Variants in GNB1L observed in about 807,000 individuals in gnomAD.
GNB1L encodes the protein G protein subunit beta 1 like.
GNB1L carries 20 observed loss-of-function variants against 29.1 expected under a neutral mutation model. The observed-to-expected ratio is 0.69, with a 90% CI of 0.48 to 1.00. The LOEUF is 1.00. Ranked by LOEUF, GNB1L falls within the 50% of genes least tolerant of loss-of-function variation. The probability of loss-of-function intolerance (pLI) is 0.00; values close to 1 mark genes in which losing one functional copy is unlikely to be tolerated. For synonymous variants in GNB1L, 193 were observed against 206.5 expected, an observed-to-expected ratio of 0.93 and a Z score of 0.56; for missense variants, 421 against 464.9, an observed-to-expected ratio of 0.91 and a Z score of 0.87.
At chr22:19,834,312 G>C (rs1206354309) in intron 2 of GNB1L, among the ~76,000 whole-genome samples, 1 of 152,172 alleles carries the variant, frequency 6.6e-6, no homozygotes, top group Non-Finnish European at 1.5e-5. Flanking sequence ...AATATTCTTT[G>C]GGGATGAAGG....
intron 5 of GNB1L, 97 bp from the exon 6 acceptor site, chr22:19,806,854 G>T: frequency 1.1e-6 from 1 of 890,880 alleles, no homozygotes; most frequent in Non-Finnish European, 1.8e-6. Context: ...GGGCTGCTGT[G>T]AGTTTCTGTC....
chr22:19,789,511 G>C (rs376510348), intron 7 of GNB1L, among the ~76,000 whole-genome samples: 84 of 152,118 alleles, frequency 5.5e-4, no homozygotes, highest in Non-Finnish European at 1.0e-3. Context: ...GCAGGATGAG[G>C]GGGGGACAAG....
chr22:19,804,184 G>A (rs561896640), intron 6 of GNB1L, among the ~76,000 whole-genome samples: 8 of 152,358 alleles, frequency 5.3e-5, no homozygotes, highest in South Asian at 2.1e-4. Context: ...GGAGCACTTC[G>A]GTGCCCACAG....
intron 7 of GNB1L, among the ~76,000 whole-genome samples, chr22:19,797,347 G>T (rs188999791): frequency 2.7e-4 from 41 of 152,064 alleles, no homozygotes; most frequent in African/African-American, 8.0e-4. Flanking sequence ...ACACGGGAGG[G>T]GGGGTGGGGG....
intron 2 of GNB1L, among the ~76,000 whole-genome samples, chr22:19,827,946 G>A (rs1288969179): frequency 6.6e-6 from 1 of 152,128 alleles, no homozygotes; most frequent in East Asian, 1.9e-4. Flanking sequence ...CTGCAGAAAG[G>A]AACACATTGG....
intron 2 of GNB1L, chr22:19,846,635 A>T: frequency 1.2e-6 from 1 of 852,692 alleles, no homozygotes; most frequent in South Asian, 5.4e-5. Flanking sequence ...TAGTACTTAC[A>T]TTTGAAGACA....
chr22:19,824,099 C>T (rs895776415), intron 2 of GNB1L, among the ~76,000 whole-genome samples: 6 of 152,260 alleles, frequency 3.9e-5, no homozygotes, highest in Admixed American at 3.3e-4. Flanking sequence ...AAACCCGTCA[C>T]GTTGTTACAA....
intron 2 of GNB1L, chr22:19,851,773 G>C: frequency 6.2e-7 from 1 of 1,613,132 alleles, no homozygotes; most frequent in East Asian, 2.2e-5. Flanking sequence ...CGTCAGGCAG[G>C]GGCAGGTCCC....
chr22:19,816,444 A>G lies in GNB1L; in HGVS notation c.255-3997T>C, dbSNP rs1158612591. Among the ~76,000 whole-genome samples, 1 of 152,138 alleles carries G rather than the reference A, an allele frequency of 6.6e-6. No homozygotes were observed. Among genetic ancestry groups the G allele is most frequent in the African/African-American group, 2.4e-5 (1 of 41,418 alleles). Reference sequence around the variant, plus strand: ...CCATCTGCGAGATGTCCAGACCTAGAATCTGCCATCTCCCGGGGAACCCTC... The same window carrying G: ...CCATCTGCGAGATGTCCAGACCTAGGATCTGCCATCTCCCGGGGAACCCTC... On this transcript the variant is annotated intron_variant, in intron 4 of 7. Coordinates refer to ENST00000329517, the MANE Select transcript of GNB1L (RefSeq NM_053004.3). This position sits in a 1 kb window ranked among gnomAD's most constrained non-coding sequence, Gnocchi z 4.4.
At chr22:19,848,333 G>A (rs1214501535) in intron 2 of GNB1L, 1 of 985,470 alleles carries the variant, frequency 1.0e-6, no homozygotes, top group Non-Finnish European at 1.2e-6. Context: ...CAGCTCCTGA[G>A]CACCCTGCCT....
chr22:19,799,668 G>C (rs1332383447), intron 7 of GNB1L, among the ~76,000 whole-genome samples: 1 of 152,202 alleles, frequency 6.6e-6, no homozygotes, highest in African/African-American at 2.4e-5. Flanking sequence ...GGTGTGAGGG[G>C]GACACAGCCG....
intron 2 of GNB1L, among the ~76,000 whole-genome samples, chr22:19,843,354 G>A (rs1937894808): frequency 6.6e-6 from 1 of 152,280 alleles, no homozygotes; most frequent in African/African-American, 2.4e-5. Flanking sequence ...CGGGCAGGGA[G>A]GCAGCGGCTT....
intron 2 of GNB1L, among the ~76,000 whole-genome samples, chr22:19,825,259 C>T (rs1054556217): frequency 1.3e-5 from 2 of 152,168 alleles, no homozygotes; most frequent in South Asian, 2.1e-4. Context: ...TAGGTCAGCA[C>T]CCCTTTACAC....
At position 19,820,674 on chromosome 22, in the gene GNB1L, C is replaced by T. The variant is rs1172429267; in HGVS notation, c.178G>A (p.Val60Ile). ...HIWSLQTRRA[V>I]TTLDGHGGQC... is the part of the protein sequence containing the mutation. ...CCGCCGTGGCCATCCAGGGTGGTAA[C>T]CGCTCTCCGCGTCTGCAGGCTCCAG... The change falls in exon 4 of 8, where the codon GTT becomes ATT. Residue 60 changes from valine to isoleucine, a missense_variant. Coordinates refer to ENST00000329517, the MANE Select transcript of GNB1L (RefSeq NM_053004.3). 1 of 1,613,620 alleles carries T rather than the reference C, an allele frequency of 6.2e-7. No homozygotes were observed. The highest frequency in any genetic ancestry group is 8.5e-7 in the Non-Finnish European group (1 of 1,179,934).
At chr22:19,799,903 G>A (rs1433115920) in intron 7 of GNB1L, among the ~76,000 whole-genome samples, 1 of 152,270 alleles carries the variant, frequency 6.6e-6, no homozygotes, top group Admixed American at 6.5e-5. Context: ...ACATTGGGCA[G>A]AGGGTGGCGC....
chr22:19,809,267 G>A (rs1937471207), intron 5 of GNB1L, among the ~76,000 whole-genome samples: 1 of 151,978 alleles, frequency 6.6e-6, no homozygotes, highest in Non-Finnish European at 1.5e-5. Context: ...ATGCTGGCAG[G>A]CCATCAACCA....
intron 4 of GNB1L, among the ~76,000 whole-genome samples, chr22:19,817,935 GTGTCCT>G (rs1344325608): frequency 2.0e-5 from 3 of 152,246 alleles, no homozygotes. Flanking sequence ...AGGCACAGGT[GTGTCCT>G]TGGCATGCGG....
At chr22:19,847,807 A>AAAAAAAAT in intron 2 of GNB1L, 1 of 710,156 alleles carries the variant, frequency 1.4e-6, no homozygotes, top group African/African-American at 2.3e-5. Context: ...TCATAGGCAA[A>AAAAAAAAT]AAAAAAAAAA....
chr22:19,828,549 A>G (rs1193213525), intron 2 of GNB1L, among the ~76,000 whole-genome samples: 1 of 152,090 alleles, frequency 6.6e-6, no homozygotes, highest in East Asian at 1.9e-4. Context: ...GGGATGCTGA[A>G]GAAGGAGAAC....
Sources: allele counts gnomAD v4.1 joint callset (sites outside exome capture counted in the v4.1 genomes callset), GRCh38; gene constraint gnomAD v4.1.1; non-coding constraint Gnocchi (gnomAD v3.1); transcripts MANE v1.5; gene names NCBI Gene and HGNC (gene_info 2026-07-23, HGNC 2026-07-21).